TRIM29: variants seen among roughly 807,000 people sequenced by gnomAD.
TRIM29 encodes tripartite motif-containing protein 29.
Under a neutral mutation model 57.3 loss-of-function variants are expected in TRIM29, and 52 were observed. The ratio of observed to expected loss-of-function variants is 0.91; its 90% CI spans 0.73 to 1.14. The LOEUF (loss-of-function observed/expected upper bound fraction) is 1.14, where lower values mean the gene tolerates loss of function less well. Among genes scored for constraint, TRIM29 ranks in the 50% most tolerant of loss-of-function variants. TRIM29 has a pLI of 0.00. For missense variants in TRIM29, 753 were observed against 774.6 expected (o/e 0.97, Z 0.33); for synonymous variants, 319 against 316.9 (o/e 1.01, Z -0.07).
chr11:120,134,238 A>G (rs1398923051), intron 1 of TRIM29, among the ~76,000 whole-genome samples: 1 of 152,102 alleles, frequency 6.6e-6, no homozygotes, highest in African/African-American at 2.4e-5. Context: ...TTTTTCTAAC[A>G]GAGACTCTGC....
intron 4 of TRIM29, 61 bp downstream of exon 4, chr11:120,125,630 G>A: frequency 4.4e-6 from 7 of 1,579,298 alleles, no homozygotes; most frequent in Non-Finnish European, 6.1e-6. Flanking sequence ...TCAGGCAGCA[G>A]GAATTGATTT....
chr11:120,136,697 A>G (rs1863820003), intron 1 of TRIM29, among the ~76,000 whole-genome samples: 2 of 152,020 alleles, frequency 1.3e-5, no homozygotes, highest in Non-Finnish European at 2.9e-5. Flanking sequence ...GTGGGCCCCA[A>G]AATTCTCTCC....
intron 4 of TRIM29, chr11:120,125,366 C>A (rs1357315735): frequency 3.0e-6 from 1 of 332,062 alleles, no homozygotes; most frequent in South Asian, 4.5e-5. Flanking sequence ...TGGGCTGGGC[C>A]CGGCAATTAG....
intron 1 of TRIM29, chr11:120,128,950 C>A (rs1162584604): frequency 1.5e-6 from 2 of 1,339,168 alleles, no homozygotes; most frequent in East Asian, 6.5e-5. Flanking sequence ...TATGGCATGA[C>A]GTAGGGCTGT....
Position 120,112,073 on chromosome 11 carries a change from G to A in TRIM29, c.*341C>T, listed in dbSNP as rs990385735. 9.2e-6 allele frequency: 3 copies of A among 324,990 alleles called. No homozygotes were observed. Among genetic ancestry groups the A allele is most frequent in the Non-Finnish European group, 1.7e-5 (3 of 171,878 alleles). The allele number at this position is 324,990 out of a possible 1,614,324, so 20.1% of individuals were successfully genotyped here. ...CGGGAGAGGCAGGCTGATACCATGCGGGTACTCACTGCTAGCCCCCAGATC... is the reference window on the plus strand; with the variant it reads ...CGGGAGAGGCAGGCTGATACCATGCAGGTACTCACTGCTAGCCCCCAGATC... On this transcript the variant is annotated 3_prime_UTR_variant, in exon 9 of 9. Coordinates refer to ENST00000341846, the MANE Select transcript of TRIM29 (RefSeq NM_012101.4).
In TRIM29 at chr11:120,123,536, A is replaced by G. The variant is rs187768770; in HGVS notation, c.1334-481T>C. 8.2e-4 allele frequency: 363 copies of G among 441,648 alleles called. 2 individuals are homozygous for G. The highest frequency in any genetic ancestry group is 6.7e-3 in the African/African-American group (333 of 49,992). 27.4% of individuals were successfully genotyped at this position (441,648 alleles called of 1,614,324 possible). On this transcript the variant is annotated intron_variant, in intron 4 of 8. Transcript: ENST00000341846. Reference sequence around the variant, plus strand: ...CAGTCCCAGCCACTGCTGGCAGCCTAAGGTGAGGGGATGAGGTCCCAGTGT... The same window carrying G: ...CAGTCCCAGCCACTGCTGGCAGCCTGAGGTGAGGGGATGAGGTCCCAGTGT...
At position 120,125,818 on chromosome 11, in the gene TRIM29, C is replaced by A. The variant is rs189154451; in HGVS notation, c.1206G>T (p.Gly402=). 1.2e-6 allele frequency: 2 copies of A among 1,614,028 alleles called. No individual in the cohort carries two copies. Among genetic ancestry groups the A allele is most frequent in the African/African-American group, 2.7e-5 (2 of 74,906 alleles). Residue 402 remains glycine (G), a synonymous_variant, in exon 4 of 9, where the codon GGG becomes GGT. Transcript: ENST00000341846. ...TGCCTAGTGACTGTCCCAGGCCCTC[C>A]CCCTCCAGCAGGACATGATAGGTGG... The part of the protein sequence containing the change: ...PLPTYHVLLE[G]EGLGQSLGNF...
At chr11:120,125,482 C>A in intron 4 of TRIM29, 1 of 583,656 alleles carries the variant, frequency 1.7e-6, no homozygotes. Flanking sequence ...AGGTCTCTTC[C>A]TATAGTTGCA....
At position 120,137,390 on chromosome 11, in the gene TRIM29, G is replaced by C. The variant is rs116637373; in HGVS notation, c.642C>G (p.Leu214=). The change falls in exon 1 of 9, where the codon CTC becomes CTG. Residue 214 remains leucine, a synonymous_variant. Transcript: ENST00000341846. This position sits in a 1 kb window ranked among gnomAD's most constrained non-coding sequence, Gnocchi z 6.2. The stretch of plus-strand genomic sequence containing the variant: ...GGGCCTCAAAGTCCCGGATGGGCTC[G>C]AGCAGCTGGTGGTCTCGGAAGGCGG... ...EGAAFRDHQL[L]EPIRDFEARK... is the part of the protein sequence containing the mutation. 1.8e-3 allele frequency: 2,870 copies of C among 1,612,928 alleles called. 33 individuals carry two copies. In the African/African-American group the frequency reaches 0.033, roughly 19 times the overall value.
rs941453916 is a variant in TRIM29, at chr11:120,125,609, G to A, written c.1333+82C>T. ...AACAATGAGAAGAAGCTCACTGGAG[G>A]CCAGCCCATGTCAGGCAGCAGGAAT... On this transcript the variant is annotated intron_variant, in intron 4 of 8. Coordinates refer to ENST00000341846, the MANE Select transcript of TRIM29 (RefSeq NM_012101.4). The A allele has an allele frequency of 2.0e-6, 3 of 1,502,786 alleles. No individual in the cohort carries two copies. In the East Asian group the frequency reaches 6.8e-5, roughly 34 times the overall value. The allele number at this position is 1,502,786 out of a possible 1,614,324, so 93.1% of individuals were successfully genotyped here. A position where few individuals can be genotyped will look rare whatever the true frequency, so the allele number is the denominator to read the frequency against.
At chr11:120,112,580 AC>A in intron 8 of TRIM29, 104 bp from the exon 9 acceptor site, 1 of 1,254,702 alleles carries the variant, frequency 8.0e-7, no homozygotes. Flanking sequence ...GTGATCCAAG[AC>A]CCGACAATTC....
intron 5 of TRIM29, chr11:120,121,877 A>T (rs1403128378): frequency 4.9e-6 from 2 of 411,736 alleles, no homozygotes; most frequent in East Asian, 1.5e-4. Flanking sequence ...GGCCAGGGCG[A>T]GGCCAGGTAG....
chr11:120,120,207 A>T (rs1177231377), intron 6 of TRIM29, among the ~76,000 whole-genome samples: 2 of 151,914 alleles, frequency 1.3e-5, no homozygotes, highest in East Asian at 3.9e-4. Flanking sequence ...CTTAAGCCCA[A>T]GGTGGCTGCT....
intron 5 of TRIM29, chr11:120,121,683 G>A (rs188935606): frequency 3.8e-4 from 83 of 215,744 alleles, no homozygotes; most frequent in African/African-American, 1.8e-3. Flanking sequence ...CCAGGCCCTA[G>A]GCCCTCGGGG....
chr11:120,135,092 T>C (rs1863792238), intron 1 of TRIM29, among the ~76,000 whole-genome samples: 1 of 152,202 alleles, frequency 6.6e-6, no homozygotes, highest in African/African-American at 2.4e-5. Context: ...TCTGAGCTCC[T>C]GGCACATCCA....
chr11:120,117,064 G>GGA (rs780449386), intron 7 of TRIM29: 2 of 433,578 alleles, frequency 4.6e-6, no homozygotes, highest in Non-Finnish European at 9.2e-6. Flanking sequence ...GTGCCTGCTG[G>GGA]GAGAGAGAGA....
chr11:120,118,089 C>T (rs1327318543), intron 7 of TRIM29, 134 bp downstream of exon 7: 13 of 814,498 alleles, frequency 1.6e-5, no homozygotes, highest in East Asian at 8.0e-5. Context: ...CGGTAGCTCC[C>T]GGGCTCTCAG....
chr11:120,116,951 G>A (rs1346029721), intron 7 of TRIM29: 1 of 402,492 alleles, frequency 2.5e-6, no homozygotes, highest in Non-Finnish European at 4.9e-6. Flanking sequence ...TGGAAAATGG[G>A]CAGATACCGG....
intron 4 of TRIM29, chr11:120,125,292 TAG>T: frequency 4.0e-6 from 1 of 252,828 alleles, no homozygotes; most frequent in South Asian, 5.9e-5. Context: ...TCACGTCTGC[TAG>T]AGTCTGCAAA....
Sources: allele counts gnomAD v4.1 joint callset (sites outside exome capture counted in the v4.1 genomes callset), GRCh38; gene constraint gnomAD v4.1.1; non-coding constraint Gnocchi (gnomAD v3.1); transcripts MANE v1.5; gene names NCBI Gene and HGNC (gene_info 2026-07-23, HGNC 2026-07-21).